PRR16: variants seen among roughly 807,000 people sequenced by gnomAD.
PRR16 encodes the protein proline rich 16, also known as protein Largen.
A neutral mutation model predicts 18.2 loss-of-function variants in PRR16; 6 were observed. That is an observed-to-expected ratio of 0.33 (90% CI 0.18 to 0.65). PRR16 has a LOEUF of 0.65. PRR16 is among the 30% of genes least tolerant of loss of function. PRR16 has a pLI of 0.74. For missense variants in PRR16, 412 were observed against 376.6 expected (o/e 1.09, Z -0.78); for synonymous variants, 151 against 147.8 (o/e 1.02, Z -0.16).
intron 1 of PRR16, among the ~76,000 whole-genome samples, chr5:120,633,493 G>A (rs1237972083): frequency 2.0e-5 from 3 of 152,064 alleles, no homozygotes; most frequent in African/African-American, 7.2e-5. Context: ...AACACACAAG[G>A]ACTCACATAA....
At chr5:120,507,789 G>A (rs1441502190) in intron 1 of PRR16, among the ~76,000 whole-genome samples, 1 of 151,712 alleles carries the variant, frequency 6.6e-6, no homozygotes, top group East Asian at 1.9e-4. Context: ...TTGAGCTTGG[G>A]TGTCTTTAAA....
intron 1 of PRR16, among the ~76,000 whole-genome samples, chr5:120,638,238 T>C (rs1755304498): frequency 6.6e-6 from 1 of 152,098 alleles, no homozygotes; most frequent in Non-Finnish European, 1.5e-5. Context: ...AAGTTTTAGA[T>C]TTTGGAGCAT....
chr5:120,788,665 T>C, the PRR16 span, among the ~76,000 whole-genome samples: 1 of 152,098 alleles, frequency 6.6e-6, no homozygotes, highest in East Asian at 1.9e-4. Context: ...TTTTCCACTT[T>C]CTTGTACAGA....
chr5:120,467,312 C>T (rs1471959659), intron 1 of PRR16, among the ~76,000 whole-genome samples: 3 of 152,038 alleles, frequency 2.0e-5, no homozygotes, highest in Non-Finnish European at 2.9e-5. Flanking sequence ...TATAAATTAT[C>T]GGCGAGCTCT....
the PRR16 span, among the ~76,000 whole-genome samples, chr5:120,732,592 G>A: frequency 2.0e-5 from 3 of 152,016 alleles, no homozygotes; most frequent in African/African-American, 7.2e-5. Context: ...AATTCCCAAG[G>A]GCCTGATGGG....
the PRR16 span, among the ~76,000 whole-genome samples, chr5:120,769,133 G>A: frequency 6.6e-6 from 1 of 150,974 alleles, no homozygotes; most frequent in Non-Finnish European, 1.5e-5. Context: ...ATCAGACAAT[G>A]TTGAACCTTT....
chr5:120,584,870 A>T (rs1038874350), intron 1 of PRR16, among the ~76,000 whole-genome samples: 1 of 152,178 alleles, frequency 6.6e-6, no homozygotes, highest in Non-Finnish European at 1.5e-5. Context: ...TGATCCCATA[A>T]GACAGGTGGT....
chr5:120,525,933 T>A, intron 1 of PRR16, among the ~76,000 whole-genome samples: 1 of 152,166 alleles, frequency 6.6e-6, no homozygotes, highest in Non-Finnish European at 1.5e-5. Context: ...AGAAACAACA[T>A]TTTTGGACAG....
At chr5:120,723,383 T>C in the PRR16 span, among the ~76,000 whole-genome samples, 1 of 151,932 alleles carries the variant, frequency 6.6e-6, no homozygotes, top group African/African-American at 2.4e-5. Flanking sequence ...TTATCAGTAA[T>C]TTCAGCACGG....
At chr5:120,520,522 G>C (rs1482187724) in intron 1 of PRR16, among the ~76,000 whole-genome samples, 1 of 152,202 alleles carries the variant, frequency 6.6e-6, no homozygotes, top group Non-Finnish European at 1.5e-5. Context: ...TACTTTAAAA[G>C]AACCCAGGGT....
intron 1 of PRR16, among the ~76,000 whole-genome samples, chr5:120,472,071 ATGC>A (rs1270019584): frequency 4.6e-5 from 7 of 152,072 alleles, no homozygotes; most frequent in Non-Finnish European, 1.5e-5. Context: ...TACTTTGCAA[ATGC>A]TGCTTCAGAT....
At chr5:120,727,156 T>C in the PRR16 span, among the ~76,000 whole-genome samples, 2 of 152,190 alleles carry the variant, frequency 1.3e-5, no homozygotes, top group Non-Finnish European at 2.9e-5. Flanking sequence ...GGTATTTTCT[T>C]TTACTTTTTT....
intron 1 of PRR16, among the ~76,000 whole-genome samples, chr5:120,466,966 C>T (rs1453154773): frequency 6.6e-6 from 1 of 152,072 alleles, no homozygotes; most frequent in Non-Finnish European, 1.5e-5. Context: ...AATCCCAAAA[C>T]ATCGGCTATT....
At chr5:120,712,803 A>G in the PRR16 span, among the ~76,000 whole-genome samples, 1 of 152,206 alleles carries the variant, frequency 6.6e-6, no homozygotes, top group South Asian at 2.1e-4. Flanking sequence ...GCTAGCTATT[A>G]TCAAAAAGTC....
At chr5:120,745,658 GTTTT>G in the PRR16 span, among the ~76,000 whole-genome samples, 1 of 150,832 alleles carries the variant, frequency 6.6e-6, no homozygotes, top group Non-Finnish European at 1.5e-5. Flanking sequence ...GTTTTGTTTT[GTTTT>G]GTTTTAGCCT....
At chr5:120,682,391 A>G (rs1320192761) in intron 1 of PRR16, among the ~76,000 whole-genome samples, 1 of 152,108 alleles carries the variant, frequency 6.6e-6, no homozygotes, top group Non-Finnish European at 1.5e-5. Flanking sequence ...AGGCCCTTTC[A>G]TGGATTGTCT....
At chr5:120,644,455 A>T (rs1170424229) in intron 1 of PRR16, among the ~76,000 whole-genome samples, 1 of 152,076 alleles carries the variant, frequency 6.6e-6, no homozygotes, top group African/African-American at 2.4e-5. Context: ...AAAGAACCTC[A>T]TGGGATTTGG....
At chr5:120,685,269 G>A (rs189262556) in intron 1 of PRR16, among the ~76,000 whole-genome samples, 1 of 152,122 alleles carries the variant, frequency 6.6e-6, no homozygotes, top group Non-Finnish European at 1.5e-5. Flanking sequence ...GTGTAAAGGA[G>A]GCCATGAGTG....
intron 1 of PRR16, among the ~76,000 whole-genome samples, chr5:120,592,473 T>C (rs915687920): frequency 7.2e-5 from 11 of 152,198 alleles, no homozygotes; most frequent in African/African-American, 2.7e-4. Flanking sequence ...TAAATTCATA[T>C]GAAGTGAATT....
Sources: gnomAD v4.1 joint callset for allele counts (sites outside exome capture counted in the v4.1 genomes callset) on GRCh38, gnomAD v4.1.1 for gene constraint, MANE v1.5 for transcripts, NCBI Gene and HGNC (gene_info 2026-07-23, HGNC 2026-07-21) for gene names.